FOXN3: variants seen among roughly 807,000 people sequenced by gnomAD.
The protein encoded by FOXN3 is forkhead box N3, also known as forkhead box protein N3.
FOXN3 carries 7 observed loss-of-function variants against 38.4 expected under a neutral mutation model. The ratio of observed to expected loss-of-function variants is 0.18; its 90% CI spans 0.10 to 0.34. FOXN3 has a LOEUF of 0.34. Among genes scored for constraint, FOXN3 ranks in the 10% least tolerant of loss-of-function variants. The probability of loss-of-function intolerance (pLI) is 1.00; values close to 1 mark genes in which losing one functional copy is unlikely to be tolerated. For missense variants in FOXN3, 456 were observed against 613.4 expected, an observed-to-expected ratio of 0.74 and a Z score of 2.71; for synonymous variants, 230 against 242.2, an observed-to-expected ratio of 0.95 and a Z score of 0.47.
chr14:89,614,702 T>A (rs1418867470), intron 1 of FOXN3, among the ~76,000 whole-genome samples: 2 of 152,222 alleles, frequency 1.3e-5, no homozygotes, highest in African/African-American at 4.8e-5. Context: ...CAGGTGACAA[T>A]AGCAGGCTCT....
intron 1 of FOXN3, among the ~76,000 whole-genome samples, chr14:89,612,058 G>A (rs554821344): frequency 2.4e-4 from 36 of 152,232 alleles, no homozygotes; most frequent in African/African-American, 8.4e-4. Context: ...GGTCAGTCTC[G>A]GAGGAAAGCC....
At position 89,566,817 on chromosome 14, in the gene FOXN3, C is replaced by G. The variant is rs191954286; in HGVS notation, c.-15+52211G>C. ...TCTTCCTTCTTCTCCACCTCCTCATCCCCTACTCCCTTCCTCCTCCTCCTC... is the reference window on the plus strand; with the variant it reads ...TCTTCCTTCTTCTCCACCTCCTCATGCCCTACTCCCTTCCTCCTCCTCCTC... On this transcript the variant is annotated intron_variant, in intron 1 of 6. Transcript: ENST00000345097. 8.8e-4 allele frequency among the ~76,000 whole-genome samples: 133 copies of G among 151,710 alleles called. 3 individuals carry two copies. The East Asian group carries it at 0.023, about 26-fold the overall frequency.
chr14:89,383,029 G>GTTTTTTT (rs57032907), intron 2 of FOXN3, among the ~76,000 whole-genome samples: 54 of 92,532 alleles, frequency 5.8e-4, no homozygotes, highest in African/African-American at 2.1e-3. Flanking sequence ...TTTGGGTGGT[G>GTTTTTTT]TTTTTTTTTT....
chr14:89,514,013 G>C (rs951998708), intron 1 of FOXN3, among the ~76,000 whole-genome samples: 1 of 152,146 alleles, frequency 6.6e-6, no homozygotes, highest in Admixed American at 6.5e-5. Context: ...GAAAGGAAGA[G>C]ACATCGCTGT....
intron 1 of FOXN3, among the ~76,000 whole-genome samples, chr14:89,558,550 A>T (rs1404697582): frequency 6.6e-6 from 1 of 152,192 alleles, no homozygotes; most frequent in Non-Finnish European, 1.5e-5. Context: ...CAAGGTAGGA[A>T]CCTGGTTACC....
chr14:89,224,100 A>C (rs1381599266), intron 4 of FOXN3, among the ~76,000 whole-genome samples: 1 of 152,216 alleles, frequency 6.6e-6, no homozygotes, highest in African/African-American at 2.4e-5. Flanking sequence ...CAGTAAGGTC[A>C]TATATACTAT....
rs1035205632 is a variant in FOXN3 at position 89,394,641 on chromosome 14, G to A, written c.543+17293C>T. Among the ~76,000 whole-genome samples, 19 of 152,356 alleles carry A rather than the reference G, an allele frequency of 1.2e-4. 1 individual carries two copies. The South Asian group carries it at 1.4e-3, about 12-fold the overall frequency. ...AAGAAAAACAACAACAATGCTCAAC[G>A]TGGACATGCCTGGCCTAGGGCATCT... On this transcript the variant is annotated intron_variant, in intron 2 of 5. Coordinates refer to ENST00000557258, the MANE Select transcript of FOXN3 (RefSeq NM_005197.4).
chr14:89,303,177 C>G (rs960338132), intron 3 of FOXN3, among the ~76,000 whole-genome samples: 1 of 152,092 alleles, frequency 6.6e-6, no homozygotes, highest in Non-Finnish European at 1.5e-5. Context: ...TGCTCATGGT[C>G]CCTTGGAGAC....
intron 2 of FOXN3, among the ~76,000 whole-genome samples, chr14:89,394,422 G>T (rs1891051138): frequency 6.6e-6 from 1 of 151,876 alleles, no homozygotes; most frequent in Non-Finnish European, 1.5e-5. Flanking sequence ...GGCCAGGCTG[G>T]TCTCGAACTC....
At chr14:89,610,367 G>A (rs558960005) in intron 1 of FOXN3, among the ~76,000 whole-genome samples, 27 of 152,286 alleles carry the variant, frequency 1.8e-4, no homozygotes, top group African/African-American at 4.3e-4. Context: ...ACCCATGACC[G>A]AAAGCAGCGT....
intron 1 of FOXN3, among the ~76,000 whole-genome samples, chr14:89,613,775 C>A (rs1376670953): frequency 1.3e-5 from 2 of 152,176 alleles, no homozygotes; most frequent in Admixed American, 1.3e-4. Context: ...GTCCTTTCTA[C>A]TTCTATAGAC....
intron 1 of FOXN3, among the ~76,000 whole-genome samples, chr14:89,437,426 A>G (rs1892295707): frequency 6.6e-6 from 1 of 152,108 alleles, no homozygotes; most frequent in Non-Finnish European, 1.5e-5. Context: ...TTACATCCCC[A>G]AGTGCCACTC....
chr14:89,208,571 C>T lies in FOXN3; in HGVS notation c.746-27765G>A, dbSNP rs569786727. ...CAGAGACTCTTTCACTTTAAAAATG[C>T]TGACTTATTATACTATTATACCTTA... is the stretch of plus-strand genomic sequence containing the variant. On this transcript the variant is annotated intron_variant, in intron 4 of 5. Transcript: ENST00000557258. Among the ~76,000 whole-genome samples the T allele has an allele frequency of 4.6e-5, 7 of 152,258 alleles. No individual in the cohort carries two copies. The East Asian group carries it at 1.2e-3, about 25-fold the overall frequency.
intron 4 of FOXN3, among the ~76,000 whole-genome samples, chr14:89,192,023 CAACT>C (rs1242044757): frequency 2.1e-5 from 3 of 143,426 alleles, no homozygotes; most frequent in Admixed American, 7.0e-5. Context: ...CATTAATCAT[CAACT>C]AACATATATA....
chr14:89,386,714 C>A (rs1779460466), intron 2 of FOXN3, among the ~76,000 whole-genome samples: 1 of 152,258 alleles, frequency 6.6e-6, no homozygotes, highest in East Asian at 1.9e-4. Context: ...GTTACTTTTT[C>A]ACAGTTCTGG....
chr14:89,237,479 C>T (rs552049245), intron 4 of FOXN3, among the ~76,000 whole-genome samples: 10 of 152,244 alleles, frequency 6.6e-5, no homozygotes, highest in East Asian at 1.9e-4. Context: ...GATTGTATTC[C>T]GAAGCATTTA....
chr14:89,169,436 T>C (rs1887329282), intron 5 of FOXN3, among the ~76,000 whole-genome samples: 1 of 151,938 alleles, frequency 6.6e-6, no homozygotes, highest in African/African-American at 2.4e-5. Flanking sequence ...AGTGAGACCC[T>C]GTCTCAAAAA....
In FOXN3 at chr14:89,335,077, T is replaced by TCTCA. The variant is rs1404371582; in HGVS notation, c.680+15594_680+15595insTGAG. Among the ~76,000 whole-genome samples, 78 of 139,434 alleles carry TCTCA rather than the reference T, an allele frequency of 5.6e-4. 1 individual carries two copies. Among genetic ancestry groups the TCTCA allele is most frequent in the Admixed American group, 1.7e-3 (23 of 13,922 alleles). The allele number at this position is 139,434 out of a possible 152,430, so 91.5% of individuals were successfully genotyped here. A position where few individuals can be genotyped will look rare whatever the true frequency, so the allele number is the denominator to read the frequency against. Reference sequence around the variant, plus strand: ...AGAGTAGAACTTAACTATTTTCATATCACACACACACACACACACACACAC... The same window carrying TCTCA: ...AGAGTAGAACTTAACTATTTTCATATCTCACACACACACACACACACACACACAC... On this transcript the variant is annotated intron_variant, in intron 3 of 5. Coordinates refer to ENST00000557258, the MANE Select transcript of FOXN3 (RefSeq NM_005197.4).
chr14:89,398,939 G>A (rs1438600476), intron 2 of FOXN3, among the ~76,000 whole-genome samples: 5 of 152,346 alleles, frequency 3.3e-5, no homozygotes, highest in South Asian at 2.1e-4. Context: ...AGCCAAGATC[G>A]TGCCATTGCA....
Sources: gnomAD v4.1 joint callset for allele counts (sites outside exome capture counted in the v4.1 genomes callset) on GRCh38, gnomAD v4.1.1 for gene constraint, MANE v1.5 for transcripts, NCBI Gene and HGNC (gene_info 2026-07-23, HGNC 2026-07-21) for gene names.